Variants in MECOM observed in about 807,000 individuals in gnomAD.
MECOM encodes the protein MDS1 and EVI1 complex locus, also known as histone-lysine N-methyltransferase MECOM.
A neutral mutation model predicts 116.3 loss-of-function variants in MECOM; 13 were observed. The observed-to-expected ratio is 0.11, with a 90% CI of 0.07 to 0.18. MECOM has a LOEUF of 0.18. Among genes scored for constraint, MECOM ranks in the 10% least tolerant of loss-of-function variants. The probability of loss-of-function intolerance (pLI) is 1.00; values close to 1 mark genes in which losing one functional copy is unlikely to be tolerated. For synonymous variants in MECOM, 528 were observed against 535.2 expected, an observed-to-expected ratio of 0.99 and a Z score of 0.19; for missense variants, 1,299 against 1,509.0, an observed-to-expected ratio of 0.86 and a Z score of 2.31.
intron 1 of MECOM, among the ~76,000 whole-genome samples, chr3:169,639,155 C>T (rs1560522608): frequency 6.6e-6 from 1 of 152,034 alleles, no homozygotes; most frequent in African/African-American, 2.4e-5. Context: ...ATGTATTAAT[C>T]CAGAGAGAAG....
At chr3:169,286,534 A>G (rs1386010357) in intron 2 of MECOM, among the ~76,000 whole-genome samples, 2 of 152,188 alleles carry the variant, frequency 1.3e-5, no homozygotes, top group Non-Finnish European at 2.9e-5. Context: ...TCCACGGTTG[A>G]CAACGCTCCC....
intron 1 of MECOM, among the ~76,000 whole-genome samples, chr3:169,412,750 T>G (rs1041584017): frequency 6.6e-6 from 1 of 152,224 alleles, no homozygotes; most frequent in African/African-American, 2.4e-5. Context: ...AATAATATAA[T>G]ATAACTGAAA....
chr3:169,192,324 A>T (rs1247724553), intron 2 of MECOM, among the ~76,000 whole-genome samples: 2 of 152,084 alleles, frequency 1.3e-5, no homozygotes, highest in African/African-American at 4.8e-5. Context: ...CAATATATCA[A>T]ATGTAACATC....
chr3:169,239,627 T>C (rs537080444), intron 2 of MECOM, among the ~76,000 whole-genome samples: 5 of 151,962 alleles, frequency 3.3e-5, no homozygotes, highest in African/African-American at 1.2e-4. Context: ...TTTTGGGGGG[T>C]GTCCTAATAA....
intron 1 of MECOM, among the ~76,000 whole-genome samples, chr3:169,414,226 C>T (rs1738138182): frequency 6.6e-6 from 1 of 152,230 alleles, no homozygotes; most frequent in Non-Finnish European, 1.5e-5. Flanking sequence ...GCAGCCTCCA[C>T]TGGTGAGACC....
chr3:169,663,237 G>T lies in MECOM; in HGVS notation c.37+99C>A. ...CCTGCCCTCCACCCGGGGCCCCGGCGCAAGAGGCAGCCCGCGCTCCCTCCC... is the reference window on the plus strand; with the variant it reads ...CCTGCCCTCCACCCGGGGCCCCGGCTCAAGAGGCAGCCCGCGCTCCCTCCC... On this transcript the variant is annotated intron_variant, in intron 1 of 16. Transcript: ENST00000651503. 4 of 1,420,300 alleles carry T rather than the reference G, an allele frequency of 2.8e-6. No homozygotes were observed. The South Asian group carries it at 3.7e-5, about 13-fold the overall frequency. The allele number at this position is 1,420,300 out of a possible 1,614,324, so 88.0% of individuals were successfully genotyped here.
chr3:169,163,114 TG>T (rs1245411773), intron 2 of MECOM, among the ~76,000 whole-genome samples: 1 of 152,200 alleles, frequency 6.6e-6, no homozygotes, highest in East Asian at 1.9e-4. Context: ...TGCAGTTTTC[TG>T]TGCTGTAGTT....
chr3:169,162,930 T>C lies in MECOM; in HGVS notation c.376-19098A>G, dbSNP rs866975720. Among the ~76,000 whole-genome samples, 90 of 152,306 alleles carry C rather than the reference T, an allele frequency of 5.9e-4. 1 individual carries two copies. The Middle Eastern group carries it at 0.01, about 17-fold the overall frequency. ...GTTCATATCCAGGCATAACGTTTTG[T>C]AGGCAAACTAGAAATATTTTATTTC... On this transcript the variant is annotated intron_variant, in intron 2 of 16. Transcript: ENST00000651503.
At chr3:169,356,896 C>T (rs2149815422) in intron 2 of MECOM, among the ~76,000 whole-genome samples, 1 of 151,938 alleles carries the variant, frequency 6.6e-6, no homozygotes, top group East Asian at 1.9e-4. Context: ...GTAACTTAAA[C>T]CTGTTGCATC....
At chr3:169,129,472 A>T (rs763754038) in intron 4 of MECOM, among the ~76,000 whole-genome samples, 1 of 151,932 alleles carries the variant, frequency 6.6e-6, no homozygotes, top group Non-Finnish European at 1.5e-5. Context: ...ACACTGCTGC[A>T]GAAATCCACA....
chr3:169,384,714 C>T (rs1160994701), intron 1 of MECOM, among the ~76,000 whole-genome samples: 1 of 152,122 alleles, frequency 6.6e-6, no homozygotes, highest in Non-Finnish European at 1.5e-5. Context: ...AACAATATTC[C>T]TCCCGTAATT....
chr3:169,459,768 A>AC (rs11383131), intron 1 of MECOM, among the ~76,000 whole-genome samples: 105,376 of 151,850 alleles, frequency 0.69, 37,534 homozygotes, highest in African/African-American at 0.86. Context: ...TTTCAGGTGT[A>AC]TAAGGGTCAC....
intron 2 of MECOM, among the ~76,000 whole-genome samples, chr3:169,148,776 A>T (rs1021067331): frequency 4.6e-5 from 7 of 152,136 alleles, no homozygotes; most frequent in Non-Finnish European, 8.8e-5. Context: ...CAAAATATTG[A>T]TTTAAAAACA....
At chr3:169,307,019 G>A (rs1168592047) in intron 2 of MECOM, among the ~76,000 whole-genome samples, 2 of 152,144 alleles carry the variant, frequency 1.3e-5, no homozygotes, top group Non-Finnish European at 2.9e-5. Context: ...GGATTTAACA[G>A]CCATGCCAAG....
chr3:169,267,513 A>G (rs775719620), intron 2 of MECOM, among the ~76,000 whole-genome samples: 3 of 152,136 alleles, frequency 2.0e-5, no homozygotes, highest in Non-Finnish European at 4.4e-5. Flanking sequence ...TTCTAGCTTT[A>G]TTTAAGAAAG....
intron 2 of MECOM, among the ~76,000 whole-genome samples, chr3:169,368,347 T>C (rs1729525795): frequency 2.0e-5 from 3 of 152,036 alleles, no homozygotes; most frequent in Admixed American, 2.0e-4. Flanking sequence ...GAATTATGTA[T>C]AAAGAGAAGC....
intron 3 of MECOM, among the ~76,000 whole-genome samples, chr3:169,140,520 T>C (rs1324498483): frequency 1.3e-5 from 2 of 152,178 alleles, no homozygotes; most frequent in South Asian, 2.1e-4. Context: ...TTAGAAATTA[T>C]GGTTTAGCAG....
chr3:169,559,727 C>G (rs1762439474), intron 1 of MECOM, among the ~76,000 whole-genome samples: 1 of 152,110 alleles, frequency 6.6e-6, no homozygotes, highest in Non-Finnish European at 1.5e-5. Context: ...TAAGATCACC[C>G]AAATGGACTG....
chr3:169,094,534 T>A (rs773216579), intron 13 of MECOM, among the ~76,000 whole-genome samples: 1 of 152,230 alleles, frequency 6.6e-6, no homozygotes, highest in African/African-American at 2.4e-5. Context: ...ATATAAGAAT[T>A]TGTGACAAAA....
Sources: gnomAD v4.1 joint callset for allele counts (sites outside exome capture counted in the v4.1 genomes callset) on GRCh38, gnomAD v4.1.1 for gene constraint, MANE v1.5 for transcripts, NCBI Gene and HGNC (gene_info 2026-07-23, HGNC 2026-07-21) for gene names.